Variants in TANC2 observed in about 807,000 individuals in gnomAD.
TANC2 encodes the protein protein TANC2.
In TANC2, 26 loss-of-function variants were observed where a neutral mutation model predicts 210.5. The observed-to-expected ratio is 0.12, with a 90% CI of 0.09 to 0.17. The LOEUF (loss-of-function observed/expected upper bound fraction) is 0.17. TANC2 is among the 10% of genes least tolerant of loss of function. The pLI is 1.00. For missense variants in TANC2, 2,129 were observed against 2,608.9 expected, an observed-to-expected ratio of 0.82 and a Z score of 4.01; for synonymous variants, 931 against 967.1, an observed-to-expected ratio of 0.96 and a Z score of 0.69.
chr17:63,348,154 GTC>G (rs2046476792), intron 12 of TANC2, among the ~76,000 whole-genome samples: 2 of 152,148 alleles, frequency 1.3e-5, no homozygotes, highest in Non-Finnish European at 2.9e-5. Context: ...TCTGATATGA[GTC>G]TTCTTTTTCA....
chr17:63,251,004 C>T (rs139978083), intron 8 of TANC2, among the ~76,000 whole-genome samples: 6 of 152,084 alleles, frequency 3.9e-5, no homozygotes, highest in South Asian at 2.1e-4. Flanking sequence ...TCGTGCCAAA[C>T]GGATTATGAA....
intron 11 of TANC2, among the ~76,000 whole-genome samples, chr17:63,329,810 T>C (rs1023547288): frequency 1.3e-5 from 2 of 152,156 alleles, no homozygotes; most frequent in Non-Finnish European, 2.9e-5. Context: ...ATATTGAAAT[T>C]AGGCCAATGA....
chr17:63,164,917 A>G (rs1170636593), intron 5 of TANC2, among the ~76,000 whole-genome samples: 1 of 152,096 alleles, frequency 6.6e-6, no homozygotes, highest in African/African-American at 2.4e-5. Flanking sequence ...AAACACCCTC[A>G]CTCACCAGAA....
chr17:63,374,470 A>G (rs1212600083), intron 14 of TANC2, among the ~76,000 whole-genome samples: 3 of 152,220 alleles, frequency 2.0e-5, no homozygotes, highest in African/African-American at 7.2e-5. Flanking sequence ...GAGTAGAGCA[A>G]CATAGAAGAG....
chr17:63,092,742 G>A (rs934358819), intron 3 of TANC2, among the ~76,000 whole-genome samples: 4 of 151,938 alleles, frequency 2.6e-5, no homozygotes, highest in African/African-American at 7.3e-5. Context: ...TCACTATCAC[G>A]AAGACAGCAA....
At chr17:63,374,032 G>GTTTTTTTTTT (rs35801082) in intron 14 of TANC2, among the ~76,000 whole-genome samples, 6 of 93,524 alleles carry the variant, frequency 6.4e-5, no homozygotes, top group Non-Finnish European at 9.8e-5. Flanking sequence ...GTTGTTGTTG[G>GTTTTTTTTTT]TTTTTTTTTT....
At chr17:63,231,630 G>A (rs918385923) in intron 7 of TANC2, among the ~76,000 whole-genome samples, 8 of 152,132 alleles carry the variant, frequency 5.3e-5, no homozygotes, top group East Asian at 1.9e-4. Flanking sequence ...AGAAGTCCAC[G>A]GTTAGTCTGA....
intron 19 of TANC2, among the ~76,000 whole-genome samples, chr17:63,404,497 C>T (rs1211894018): frequency 6.6e-6 from 1 of 152,152 alleles, no homozygotes; most frequent in Non-Finnish European, 1.5e-5. Context: ...TAGTCTTTGT[C>T]ATACCTCTTC....
chr17:62,997,351 A>G (rs2033167806), intron 1 of TANC2, among the ~76,000 whole-genome samples: 1 of 152,088 alleles, frequency 6.6e-6, no homozygotes, highest in African/African-American at 2.4e-5. Context: ...TTAAAAAGTT[A>G]TTGGAAGTGT....
At chr17:63,264,709 G>A (rs1332164433) in intron 8 of TANC2, among the ~76,000 whole-genome samples, 3 of 152,098 alleles carry the variant, frequency 2.0e-5, no homozygotes, top group African/African-American at 7.2e-5. Flanking sequence ...AGTGTGTGTG[G>A]CTTGCTGGCA....
intron 11 of TANC2, among the ~76,000 whole-genome samples, chr17:63,322,359 G>A (rs903772903): frequency 1.3e-5 from 2 of 152,074 alleles, no homozygotes; most frequent in South Asian, 2.1e-4. Flanking sequence ...TTAGCCGGGC[G>A]TGGTGGCGGG....
chr17:63,189,627 G>A (rs2041118603), intron 5 of TANC2, among the ~76,000 whole-genome samples: 1 of 152,164 alleles, frequency 6.6e-6, no homozygotes, highest in Admixed American at 6.5e-5. Flanking sequence ...TGGTTGAGTA[G>A]TAGGAGTTCT....
chr17:63,215,549 C>A (rs1465548712), intron 7 of TANC2, among the ~76,000 whole-genome samples: 1 of 152,020 alleles, frequency 6.6e-6, no homozygotes, highest in Non-Finnish European at 1.5e-5. Flanking sequence ...TTGAGTTAAT[C>A]AACAGTGACC....
intron 7 of TANC2, among the ~76,000 whole-genome samples, chr17:63,218,775 A>C (rs528332964): frequency 6.6e-6 from 1 of 152,186 alleles, no homozygotes; most frequent in African/African-American, 2.4e-5. Flanking sequence ...AGACACCTGT[A>C]ATGCTAGCTA....
At chr17:63,163,896 T>C (rs893382908) in intron 5 of TANC2, among the ~76,000 whole-genome samples, 125 of 152,310 alleles carry the variant, frequency 8.2e-4, no homozygotes, top group African/African-American at 2.9e-3. Flanking sequence ...ATGTATGTAA[T>C]ACATGTTTGT....
chr17:63,355,029 G>A (rs778542030), exon 14 of TANC2: 6 of 1,613,800 alleles, frequency 3.7e-6, no homozygotes, highest in Non-Finnish European at 5.1e-6. Context: ...CATAGAGAAA[G>A]GCTATCTAGT....
intron 4 of TANC2, among the ~76,000 whole-genome samples, chr17:63,118,624 T>G (rs1319822403): frequency 6.6e-6 from 1 of 152,100 alleles, no homozygotes; most frequent in African/African-American, 2.4e-5. Flanking sequence ...CTCTTATTGA[T>G]TTATTGATTG....
At chr17:63,185,538 CA>C (rs1199831091) in intron 5 of TANC2, among the ~76,000 whole-genome samples, 1 of 152,152 alleles carries the variant, frequency 6.6e-6, no homozygotes, top group Non-Finnish European at 1.5e-5. Context: ...TGTAAAATGG[CA>C]AACATTTTCC....
At chr17:63,078,697 T>G (rs1180093525) in intron 3 of TANC2, among the ~76,000 whole-genome samples, 1 of 152,196 alleles carries the variant, frequency 6.6e-6, no homozygotes, top group Admixed American at 6.5e-5. Flanking sequence ...TGGAAGTTTT[T>G]CAGATATCTT....
Sources: gnomAD v4.1 joint callset for allele counts (sites outside exome capture counted in the v4.1 genomes callset) on GRCh38, gnomAD v4.1.1 for gene constraint, MANE v1.5 for transcripts, NCBI Gene and HGNC (gene_info 2026-07-23, HGNC 2026-07-21) for gene names.